CRACD: variants seen among roughly 807,000 people sequenced by gnomAD.
The protein encoded by CRACD is capping protein inhibiting regulator of actin dynamics.
A neutral mutation model predicts 106.8 loss-of-function variants in CRACD; 56 were observed. That is an observed-to-expected ratio of 0.52 (90% CI 0.42 to 0.66). The LOEUF (loss-of-function observed/expected upper bound fraction) is 0.66. CRACD is among the 30% of genes least tolerant of loss of function. The probability of loss-of-function intolerance (pLI) is 0.00; values close to 1 mark genes in which losing one functional copy is unlikely to be tolerated. For synonymous variants in CRACD, 754 were observed against 670.8 expected, an observed-to-expected ratio of 1.12 and a Z score of -1.92; for missense variants, 1,730 against 1,623.2, an observed-to-expected ratio of 1.07 and a Z score of -1.13.
In CRACD at chr4:56,324,030, G is replaced by A. The variant is rs1039750465; in HGVS notation, c.3379-74G>A. On this transcript the variant is annotated intron_variant, in intron 9 of 10. Transcript: ENST00000682029. ...TCAGGGGCTGGCAGGCAGAGGCCCC[G>A]AAGGCCTGCAGGGTCAGTCTTTCCA... 3.3e-5 allele frequency: 49 copies of A among 1,500,788 alleles called. No individual in the cohort carries two copies. The African/African-American group carries it at 5.1e-4, about 16-fold the overall frequency. 93.0% of individuals were successfully genotyped at this position (1,500,788 alleles called of 1,614,324 possible). A position where few individuals can be genotyped will look rare whatever the true frequency, so the allele number is the denominator to read the frequency against.
chr4:56,217,579 T>C (rs1738776592), intron 2 of CRACD, among the ~76,000 whole-genome samples: 1 of 152,184 alleles, frequency 6.6e-6, no homozygotes. Context: ...AAAGTTCTTC[T>C]TATGCAGATG....
intron 1 of CRACD, among the ~76,000 whole-genome samples, chr4:56,067,457 T>C (rs1378302307): frequency 6.6e-6 from 1 of 152,262 alleles, no homozygotes; most frequent in Non-Finnish European, 1.5e-5. Context: ...AAAAATCTAA[T>C]TCTTTGCCTG....
At chr4:56,312,304 T>C (rs943033973) in intron 6 of CRACD, among the ~76,000 whole-genome samples, 3 of 152,110 alleles carry the variant, frequency 2.0e-5, no homozygotes, top group Admixed American at 2.0e-4. Context: ...ATTACAGGTG[T>C]GCACCACCAC....
intron 1 of CRACD, among the ~76,000 whole-genome samples, chr4:56,054,037 C>T (rs1322266679): frequency 6.6e-6 from 1 of 152,168 alleles, no homozygotes; most frequent in East Asian, 1.9e-4. Context: ...CTGTCTACTA[C>T]TTGACCCTTA....
chr4:56,172,333 A>G (rs1238825920), intron 1 of CRACD, among the ~76,000 whole-genome samples: 1 of 152,222 alleles, frequency 6.6e-6, no homozygotes, highest in African/African-American at 2.4e-5. Flanking sequence ...CAGCACAGTT[A>G]CCGCTGCTGG....
intron 2 of CRACD, among the ~76,000 whole-genome samples, chr4:56,183,599 T>C (rs1395011560): frequency 6.6e-6 from 1 of 152,218 alleles, no homozygotes; most frequent in Non-Finnish European, 1.5e-5. Flanking sequence ...GTCTAAATCC[T>C]GGTCAAGGAA....
intron 1 of CRACD, among the ~76,000 whole-genome samples, chr4:56,153,364 C>T (rs996882960): frequency 2.6e-5 from 4 of 152,206 alleles, no homozygotes; most frequent in Non-Finnish European, 5.9e-5. Flanking sequence ...TGCATCATCA[C>T]CCTCTTCAGG....
intron 1 of CRACD, among the ~76,000 whole-genome samples, chr4:56,162,303 T>C (rs956384173): frequency 6.6e-6 from 1 of 152,080 alleles, no homozygotes; most frequent in Admixed American, 6.6e-5. Context: ...CAAGGGATTC[T>C]CCCGCCTCAC....
At chr4:56,296,653 C>T (rs1744054907) in intron 3 of CRACD, among the ~76,000 whole-genome samples, 1 of 152,130 alleles carries the variant, frequency 6.6e-6, no homozygotes, top group African/African-American at 2.4e-5. Flanking sequence ...CTGAGAAAAC[C>T]CCAGTAGGGG....
chr4:56,185,783 T>C (rs1429697815), intron 2 of CRACD, among the ~76,000 whole-genome samples: 2 of 152,244 alleles, frequency 1.3e-5, no homozygotes, highest in Admixed American at 6.5e-5. Context: ...CCCTGACTTA[T>C]GTCATTGTTC....
chr4:56,232,256 A>G (rs539526268), intron 2 of CRACD, among the ~76,000 whole-genome samples: 17 of 152,270 alleles, frequency 1.1e-4, no homozygotes, highest in African/African-American at 4.1e-4. Flanking sequence ...TTAACTCAAC[A>G]TAATTATTCT....
chr4:56,164,638 G>A (rs1166862466), intron 1 of CRACD, among the ~76,000 whole-genome samples: 1 of 152,102 alleles, frequency 6.6e-6, no homozygotes, highest in African/African-American at 2.4e-5. Context: ...AGATCAGTGG[G>A]TACCAGAGGT....
At chr4:56,186,759 T>G (rs942002704) in intron 2 of CRACD, among the ~76,000 whole-genome samples, 4 of 152,108 alleles carry the variant, frequency 2.6e-5, no homozygotes, top group Admixed American at 2.6e-4. Flanking sequence ...CATGATAGGA[T>G]GTAGCTTCTA....
intron 2 of CRACD, among the ~76,000 whole-genome samples, chr4:56,216,554 A>T (rs1378317477): frequency 6.6e-6 from 1 of 152,160 alleles, no homozygotes; most frequent in Non-Finnish European, 1.5e-5. Flanking sequence ...AAATAGAGGG[A>T]TACACTCTCT....
intron 2 of CRACD, among the ~76,000 whole-genome samples, chr4:56,222,308 G>C (rs74434199): frequency 0.017 from 2,582 of 152,262 alleles, 70 homozygotes; most frequent in African/African-American, 0.058. Context: ...GTCAAATAAT[G>C]TATGTTCTCA....
intron 8 of CRACD, 133 bp from the exon 9 acceptor site, chr4:56,323,243 GA>G: frequency 1.5e-6 from 1 of 681,664 alleles, no homozygotes; most frequent in South Asian, 2.2e-5. Context: ...CATCAGCACA[GA>G]GGTTGTGCTA....
chr4:56,148,918 C>A (rs1464302599), intron 1 of CRACD, among the ~76,000 whole-genome samples: 1 of 151,712 alleles, frequency 6.6e-6, no homozygotes, highest in Admixed American at 6.6e-5. Context: ...CAGGTTCAAG[C>A]AATTCTCCTG....
intron 1 of CRACD, among the ~76,000 whole-genome samples, chr4:56,098,187 G>C (rs1733658596): frequency 6.6e-6 from 1 of 152,158 alleles, no homozygotes; most frequent in Admixed American, 6.5e-5. Flanking sequence ...AGGGGACTTA[G>C]TAAATTTACT....
intron 2 of CRACD, among the ~76,000 whole-genome samples, chr4:56,218,722 T>C (rs1229398510): frequency 6.6e-6 from 1 of 151,722 alleles, no homozygotes; most frequent in Non-Finnish European, 1.5e-5. Context: ...ATTCTCTCGC[T>C]TCAGCCCCAC....
Sources: gnomAD v4.1 joint callset for allele counts (sites outside exome capture counted in the v4.1 genomes callset) on GRCh38, gnomAD v4.1.1 for gene constraint, MANE v1.5 for transcripts, NCBI Gene and HGNC (gene_info 2026-07-23, HGNC 2026-07-21) for gene names.